The following ABCG5 variants were observed in gnomAD, a reference collection of about 807,000 sequenced individuals.
The protein encoded by ABCG5 is ATP binding cassette subfamily G member 5, also known as ATP-binding cassette sub-family G member 5.
Under a neutral mutation model 64.5 loss-of-function variants are expected in ABCG5, and 64 were observed. That is an observed-to-expected ratio of 0.99 (90% CI 0.81 to 1.22). The LOEUF (loss-of-function observed/expected upper bound fraction) is 1.22. Among genes scored for constraint, ABCG5 ranks in the 50% most tolerant of loss-of-function variants. The pLI, the probability that ABCG5 is intolerant of heterozygous loss-of-function variation, is 0.00. For synonymous variants in ABCG5, 385 were observed against 326.3 expected, an observed-to-expected ratio of 1.18 and a Z score of -1.94; for missense variants, 908 against 829.5, an observed-to-expected ratio of 1.09 and a Z score of -1.16.
chr2:43,829,691 G>A (rs1420609236), intron 4 of ABCG5, among the ~76,000 whole-genome samples: 2 of 152,178 alleles, frequency 1.3e-5, no homozygotes, highest in Admixed American at 6.5e-5. Flanking sequence ...AAAGCAGAAA[G>A]AGACAGAAGA....
chr2:43,832,895 C>A (rs138155395), intron 2 of ABCG5, among the ~76,000 whole-genome samples: 87 of 152,234 alleles, frequency 5.7e-4, no homozygotes, highest in Non-Finnish European at 5.1e-4. Context: ...CTGCAACCTC[C>A]GCCTCTCAGG....
intron 10 of ABCG5, among the ~76,000 whole-genome samples, chr2:43,821,674 C>G (rs552337226): frequency 1.3e-5 from 2 of 152,172 alleles, no homozygotes; most frequent in Non-Finnish European, 2.9e-5. Flanking sequence ...TTTGCCTCAG[C>G]TGGCCCCTGG....
intron 5 of ABCG5, among the ~76,000 whole-genome samples, chr2:43,827,181 C>T (rs940847476): frequency 2.6e-5 from 4 of 152,046 alleles, no homozygotes; most frequent in Non-Finnish European, 4.4e-5. Flanking sequence ...AAAAATTAGC[C>T]GGGTGTGGTG....
intron 2 of ABCG5, chr2:43,832,734 C>T (rs1190645441): frequency 6.5e-6 from 1 of 153,790 alleles, no homozygotes; most frequent in Non-Finnish European, 1.4e-5. Flanking sequence ...CTGGATGTCA[C>T]TAGGAAGTTC....
At chr2:43,811,183 T>C (rs1666468266), downstream of ABCG5, among the ~76,000 whole-genome samples, 1 of 152,292 alleles carries the variant, frequency 6.6e-6, no homozygotes, top group South Asian at 2.1e-4. Flanking sequence ...TTGAACTACT[T>C]TAATAGATTA....
chr2:43,834,597 G>A (rs539010395), intron 2 of ABCG5, among the ~76,000 whole-genome samples: 2 of 152,328 alleles, frequency 1.3e-5, no homozygotes, highest in South Asian at 4.1e-4. Flanking sequence ...AGATGACAAA[G>A]CTCATTCAAA....
chr2:43,830,256 A>G (rs533141479), intron 4 of ABCG5, among the ~76,000 whole-genome samples: 1 of 152,358 alleles, frequency 6.6e-6, no homozygotes, highest in East Asian at 1.9e-4. Context: ...CCCTGGAAGG[A>G]CTATTGGGAT....
chr2:43,838,685 A>G lies in ABCG5; in HGVS notation c.-6T>C, dbSNP rs779889202. ...AAAGATGAGAGGTCACCCATGGCCA[A>G]CAGGCAGCAAAGCTGGGCAAATTTT... is the stretch of plus-strand genomic sequence containing the variant. On this transcript the variant is annotated 5_prime_UTR_variant, in exon 1 of 13. Transcript: ENST00000405322. The surrounding 1 kb of genome is among the most constrained non-coding windows in gnomAD (Gnocchi z 4.2). 3.1e-6 allele frequency: 5 copies of G among 1,613,544 alleles called. No homozygotes were observed. The South Asian group carries it at 5.5e-5, about 18-fold the overall frequency.
At position 43,824,368 on chromosome 2, in the gene ABCG5, C is replaced by G. The variant is rs369775776; in HGVS notation, c.969G>C (p.Gln323His). ...EREIETSKRV[Q>H]MIESAYKKSA... ...ATTTCTTGTAGGCAGATTCTATCAT[C>G]TGGACTCTCTTGGAGGTTTCTATTT... The change falls in exon 8 of 13, where the codon CAG becomes CAC. Residue 323 changes from glutamine (Q) to histidine (H), a missense_variant. Physicochemically the swap from Gln to His is conservative, Grantham distance 24. Coordinates refer to ENST00000405322, the MANE Select transcript of ABCG5 (RefSeq NM_022436.3). 4 of 1,614,056 alleles carry G rather than the reference C, an allele frequency of 2.5e-6. No homozygotes were observed. The highest frequency in any genetic ancestry group is 3.4e-6 in the Non-Finnish European group (4 of 1,180,038).
intron 10 of ABCG5, among the ~76,000 whole-genome samples, chr2:43,821,288 C>G (rs1207471762): frequency 7.9e-5 from 12 of 152,184 alleles, no homozygotes. Flanking sequence ...CAGAGTCATT[C>G]TTTTTGCTCC....
rs1668422823 is a variant in ABCG5, at chr2:43,838,463, A to G, written c.143+74T>C. On this transcript the variant is annotated intron_variant, in intron 1 of 12. Transcript: ENST00000405322. This position sits in a 1 kb window ranked among gnomAD's most constrained non-coding sequence, Gnocchi z 4.2. The stretch of plus-strand genomic sequence containing the variant: ...GCCCAGACTGGCACTTAAAGAGTGA[A>G]GAAAGGCAGCAGAGGGGTGAGCGCC... 1 of 1,444,750 alleles carries G rather than the reference A, an allele frequency of 6.9e-7. No homozygotes were observed. The highest frequency in any genetic ancestry group is 2.0e-5 in the Admixed American group (1 of 50,152). 89.5% of individuals were successfully genotyped at this position (1,444,750 alleles called of 1,614,324 possible).
chr2:43,834,326 A>G lies in ABCG5; in HGVS notation c.266-2243T>C, dbSNP rs560408071. On this transcript the variant is annotated intron_variant, in intron 2 of 12. Transcript: ENST00000405322. ...GCCTGGGTCCCAGCCCCACCACTTC[A>G]TCAAAACTGGCCTCCCCAGGGATAT... Among the ~76,000 whole-genome samples, 46 of 152,312 alleles carry G rather than the reference A, an allele frequency of 3.0e-4. 1 individual carries two copies. Among genetic ancestry groups the G allele is most frequent in the African/African-American group, 1.1e-3 (45 of 41,558 alleles).
chr2:43,807,879 C>A (rs896331566), downstream of ABCG5, among the ~76,000 whole-genome samples: 1 of 151,516 alleles, frequency 6.6e-6, no homozygotes, highest in African/African-American at 2.4e-5. Flanking sequence ...ATTTTGAGGC[C>A]GTATCATTGT....
chr2:43,826,967 G>A (rs996204969), intron 5 of ABCG5, among the ~76,000 whole-genome samples: 11 of 152,344 alleles, frequency 7.2e-5, no homozygotes, highest in Non-Finnish European at 1.5e-4. Flanking sequence ...AATAAAACAA[G>A]GCCTGAAGTG....
At chr2:43,828,146 G>A in intron 4 of ABCG5, 31 bp from the exon 5 acceptor site, 4 of 1,613,416 alleles carry the variant, frequency 2.5e-6, no homozygotes, top group South Asian at 1.1e-5. Context: ...AGGAAGGCTG[G>A]GAGTCTCTGT....
At chr2:43,808,653 A>G (rs1180967114), downstream of ABCG5, among the ~76,000 whole-genome samples, 1 of 152,222 alleles carries the variant, frequency 6.6e-6, no homozygotes, top group African/African-American at 2.4e-5. Context: ...ACTCCTTGTG[A>G]AAAAATTCAA....
Position 43,827,985 on chromosome 2 carries a change from G to A in ABCG5, c.632C>T (p.Pro211Leu). The A allele has an allele frequency of 6.2e-7, 1 of 1,613,994 alleles. No homozygotes were observed. The highest frequency in any genetic ancestry group is 8.5e-7 in the Non-Finnish European group (1 of 1,180,016). Residue 211 changes from proline (P) to leucine (L), a missense_variant and splice_region_variant, in exon 5 of 13, where the codon CCT becomes CTT. Coordinates refer to ENST00000405322, the MANE Select transcript of ABCG5 (RefSeq NM_022436.3). ...VSIAAQLLQDPKVMLFDEPTT... is the reference protein window; with the variant it reads ...VSIAAQLLQDLKVMLFDEPTT... ...TAACAGTTCTGGGTGCCACTTACTAGGATCCTGGAGCAGCTGGGCTGCGAT... is the reference window on the plus strand; with the variant it reads ...TAACAGTTCTGGGTGCCACTTACTAAGATCCTGGAGCAGCTGGGCTGCGAT...
intron 2 of ABCG5, among the ~76,000 whole-genome samples, chr2:43,834,868 G>A (rs1481039334): frequency 6.6e-6 from 1 of 152,218 alleles, no homozygotes; most frequent in East Asian, 1.9e-4. Flanking sequence ...GTGAGACTTT[G>A]AACGTATATG....
At chr2:43,812,126 C>G (rs1666508696), downstream of ABCG5, among the ~76,000 whole-genome samples, 1 of 152,072 alleles carries the variant, frequency 6.6e-6, no homozygotes, top group African/African-American at 2.4e-5. Flanking sequence ...TCATAGCTCA[C>G]TGCAGCCCCT....
Sources: gnomAD v4.1 joint callset for allele counts (sites outside exome capture counted in the v4.1 genomes callset) on GRCh38, gnomAD v4.1.1 for gene constraint, Gnocchi (gnomAD v3.1) non-coding constraint, MANE v1.5 for transcripts, NCBI Gene and HGNC (gene_info 2026-07-23, HGNC 2026-07-21) for gene names.